ARIH2: variants seen among roughly 807,000 people sequenced by gnomAD.
ARIH2 encodes E3 ubiquitin-protein ligase ARIH2.
A neutral mutation model predicts 79.8 loss-of-function variants in ARIH2; 12 were observed. That is an observed-to-expected ratio of 0.15 (90% CI 0.10 to 0.24). ARIH2 has a LOEUF of 0.24. Among genes scored for constraint, ARIH2 ranks in the 10% least tolerant of loss-of-function variants. ARIH2 has a pLI of 1.00. For synonymous variants in ARIH2, 224 were observed against 213.9 expected (o/e 1.05, Z -0.41); for missense variants, 301 against 618.3 (o/e 0.49, Z 5.44).
chr3:48,929,572 G>T (rs2086107299), intron 3 of ARIH2, among the ~76,000 whole-genome samples: 1 of 152,068 alleles, frequency 6.6e-6, no homozygotes, highest in South Asian at 2.1e-4. Flanking sequence ...TGTGTCCAAA[G>T]AATACAGCTC....
chr3:48,978,465 G>GTA (rs1232911399), intron 11 of ARIH2, among the ~76,000 whole-genome samples: 53 of 75,468 alleles, frequency 7.0e-4, no homozygotes, highest in African/African-American at 1.0e-3. Context: ...GTGTGTGTGT[G>GTA]TATATATATA....
intron 3 of ARIH2, among the ~76,000 whole-genome samples, chr3:48,961,244 G>C (rs769047415): frequency 6.6e-6 from 1 of 152,216 alleles, no homozygotes; most frequent in East Asian, 1.9e-4. Context: ...TGCTTCCGGC[G>C]TACAACCTCC....
chr3:48,970,883 A>G (rs1311234413), intron 8 of ARIH2, 179 bp downstream of exon 8: 3 of 537,108 alleles, frequency 5.6e-6, no homozygotes, highest in Non-Finnish European at 6.8e-6. Flanking sequence ...TAGGTCTTCA[A>G]TACATGCTCA....
intron 1 of ARIH2, 159 bp downstream of exon 1, chr3:48,919,157 C>T: frequency 1.5e-6 from 2 of 1,300,106 alleles, no homozygotes; most frequent in Non-Finnish European, 1.9e-6. Context: ...CATTACCCGC[C>T]GTCAGCGGCC....
chr3:48,957,909 T>C (rs1447788911), intron 3 of ARIH2, among the ~76,000 whole-genome samples: 1 of 152,190 alleles, frequency 6.6e-6, no homozygotes, highest in Non-Finnish European at 1.5e-5. Context: ...AGCGACGGGA[T>C]GTCACCATAT....
chr3:48,980,361 C>T lies in ARIH2; in HGVS notation c.1122C>T (p.Asn374=). 3.1e-6 allele frequency: 5 copies of T among 1,613,316 alleles called. No individual in the cohort carries two copies. Among genetic ancestry groups the T allele is most frequent in the Non-Finnish European group, 3.4e-6 (4 of 1,179,898 alleles). Residue 374 remains asparagine, a synonymous_variant, in exon 13 of 16, where the codon AAC becomes AAT. Transcript: ENST00000356401. ...KYLFYFERWE[N]HNKSLQLEAQ... ...TCTTCTGTGCCCTGTAGTGGGAAAA[C>T]CACAATAAAAGCTTGCAGCTAGAGG...
At chr3:48,925,921 C>T (rs1406939481) in intron 2 of ARIH2, among the ~76,000 whole-genome samples, 5 of 151,496 alleles carry the variant, frequency 3.3e-5, no homozygotes, top group Non-Finnish European at 4.4e-5. Context: ...GGTTTCACCA[C>T]GTTGGCCAGG....
chr3:48,975,788 C>G (rs2092465113), intron 11 of ARIH2, among the ~76,000 whole-genome samples: 1 of 152,060 alleles, frequency 6.6e-6, no homozygotes, highest in African/African-American at 2.4e-5. Flanking sequence ...GTCTCGAACT[C>G]CTGACCTCAG....
intron 4 of ARIH2, among the ~76,000 whole-genome samples, chr3:48,963,480 A>G (rs1378328966): frequency 1.3e-5 from 2 of 152,192 alleles, no homozygotes; most frequent in African/African-American, 2.4e-5. Context: ...TTCTGCTCCA[A>G]TTCCTGGTAT....
chr3:48,919,255 C>T, intron 1 of ARIH2: 2 of 1,214,806 alleles, frequency 1.6e-6, no homozygotes, highest in African/African-American at 1.6e-5. Flanking sequence ...GACCAACCGG[C>T]GCCGGCACAT....
chr3:48,951,243 C>G (rs1414005250), intron 3 of ARIH2, among the ~76,000 whole-genome samples: 1 of 152,050 alleles, frequency 6.6e-6, no homozygotes, highest in South Asian at 2.1e-4. Flanking sequence ...GGATTACAAG[C>G]GTGAGCCAGT....
chr3:48,972,914 CA>C (rs1279553099), intron 8 of ARIH2, among the ~76,000 whole-genome samples: 2 of 152,088 alleles, frequency 1.3e-5, no homozygotes, highest in African/African-American at 2.4e-5. Context: ...GGGATCTCAC[CA>C]TATTGCCCAG....
At chr3:48,938,419 A>G (rs989420624) in intron 3 of ARIH2, among the ~76,000 whole-genome samples, 1 of 152,208 alleles carries the variant, frequency 6.6e-6, no homozygotes, top group Non-Finnish European at 1.5e-5. Flanking sequence ...TCTCAGCAGT[A>G]TGAAAGAATG....
chr3:48,963,794 G>A (rs2091515065), intron 4 of ARIH2, among the ~76,000 whole-genome samples: 1 of 152,064 alleles, frequency 6.6e-6, no homozygotes, highest in African/African-American at 2.4e-5. Context: ...TGTTTCAATG[G>A]TCCTGTATTA....
intron 5 of ARIH2, 55 bp from the exon 6 acceptor site, chr3:48,967,068 CTT>C (rs1295485048): frequency 1.9e-6 from 3 of 1,583,506 alleles, no homozygotes; most frequent in Non-Finnish European, 2.6e-6. Flanking sequence ...ATGAGGTACC[CTT>C]ATGGCCTTCT....
At position 48,974,184 on chromosome 3, in the gene ARIH2, G is replaced by A. The variant is rs567440871; in HGVS notation, c.888+368G>A. 6.6e-5 allele frequency among the ~76,000 whole-genome samples: 10 copies of A among 152,296 alleles called. No homozygotes were observed. The South Asian group carries it at 1.2e-3, about 19-fold the overall frequency. The stretch of plus-strand genomic sequence containing the variant: ...CTGTAATGCAAGCCCAGACCTGCAC[G>A]ATACTCATTTTGAAGTCTCCCATGG... On this transcript the variant is annotated intron_variant, in intron 9 of 15. Coordinates refer to ENST00000356401, the MANE Select transcript of ARIH2 (RefSeq NM_006321.4).
In ARIH2 at chr3:48,920,758, G is replaced by A. The variant is rs570915677; in HGVS notation, c.-162+1760G>A. On this transcript the variant is annotated intron_variant, in intron 1 of 15. Coordinates refer to ENST00000356401, the MANE Select transcript of ARIH2 (RefSeq NM_006321.4). ...GGGCGGATCACGAGGTCAGGAGATC[G>A]AGACCATCCTGGCTAACACGGTGAA... is the stretch of plus-strand genomic sequence containing the variant. 5.7e-4 allele frequency among the ~76,000 whole-genome samples: 40 copies of A among 70,036 alleles called. 11 individuals carry two copies. The highest frequency in any genetic ancestry group is 1.6e-3 in the African/African-American group (35 of 22,350). 45.9% of individuals were successfully genotyped at this position (70,036 alleles called of 152,430 possible).
chr3:48,973,907 C>A, intron 9 of ARIH2, 91 bp downstream of exon 9: 1 of 964,442 alleles, frequency 1.0e-6, no homozygotes, highest in Non-Finnish European at 1.6e-6. Flanking sequence ...GAGCAGAATA[C>A]CCAGAGCCCC....
intron 3 of ARIH2, among the ~76,000 whole-genome samples, chr3:48,940,492 T>C (rs2087945050): frequency 6.6e-6 from 1 of 151,022 alleles, no homozygotes; most frequent in Non-Finnish European, 1.5e-5. Context: ...TTGAGGTCAG[T>C]GTTGCGAGAA....
Sources: gnomAD v4.1 joint callset for allele counts (sites outside exome capture counted in the v4.1 genomes callset) on GRCh38, gnomAD v4.1.1 for gene constraint, MANE v1.5 for transcripts, NCBI Gene and HGNC (gene_info 2026-07-23, HGNC 2026-07-21) for gene names.